TRPM3: variants seen among roughly 807,000 people sequenced by gnomAD.
The protein encoded by TRPM3 is transient receptor potential cation channel subfamily M member 3.
Under a neutral mutation model 181.2 loss-of-function variants are expected in TRPM3, and 77 were observed. The ratio of observed to expected loss-of-function variants is 0.42; its 90% CI spans 0.35 to 0.51. TRPM3 has a LOEUF of 0.51. Among genes scored for constraint, TRPM3 ranks in the 20% least tolerant of loss-of-function variants. The probability of loss-of-function intolerance (pLI) is 0.01; values close to 1 mark genes in which losing one functional copy is unlikely to be tolerated. For missense variants in TRPM3, 1,759 were observed against 2,196.7 expected (o/e 0.80, Z 3.98); for synonymous variants, 745 against 796.4 (o/e 0.94, Z 1.09).
intron 1 of TRPM3, among the ~76,000 whole-genome samples, chr9:71,210,197 C>T (rs186144316): frequency 1.6e-4 from 24 of 152,240 alleles, no homozygotes; most frequent in South Asian, 2.1e-4. Context: ...GTGAACTATA[C>T]ATGTGAGGGA....
At chr9:71,416,249 G>C (rs146607554) in intron 1 of TRPM3, among the ~76,000 whole-genome samples, 1 of 151,610 alleles carries the variant, frequency 6.6e-6, no homozygotes, top group Non-Finnish European at 1.5e-5. Flanking sequence ...TAATCAATAC[G>C]TTAGTATGTT....
intron 1 of TRPM3, among the ~76,000 whole-genome samples, chr9:71,266,828 T>C (rs2083425243): frequency 6.6e-6 from 1 of 152,178 alleles, no homozygotes; most frequent in Non-Finnish European, 1.5e-5. Context: ...TAAATTTCAC[T>C]ATTTTAGATA....
At chr9:71,206,166 G>A (rs558289182) in intron 1 of TRPM3, among the ~76,000 whole-genome samples, 208 of 152,240 alleles carry the variant, frequency 1.4e-3, no homozygotes, top group African/African-American at 4.6e-3. Flanking sequence ...TTGAGGAATA[G>A]CCACACTGTT....
Position 70,934,848 on chromosome 9 carries a change from C to T in TRPM3, c.178-70337G>A, listed in dbSNP as rs116951105. The stretch of plus-strand genomic sequence containing the variant: ...TCAGGACCTGTTATTTAATGAATTG[C>T]GCAATGGAATGACCTCCTCCCCCCA... On this transcript the variant is annotated intron_variant, in intron 1 of 25. Coordinates refer to ENST00000677713, the MANE Select transcript of TRPM3 (RefSeq NM_001366145.2). Among the ~76,000 whole-genome samples the T allele has an allele frequency of 4.9e-4, 75 of 151,894 alleles. No individual in the cohort carries two copies. In the East Asian group the frequency reaches 7.2e-3, roughly 15 times the overall value.
intron 8 of TRPM3, among the ~76,000 whole-genome samples, chr9:70,747,502 C>T (rs1278450340): frequency 2.0e-5 from 3 of 152,096 alleles, no homozygotes; most frequent in South Asian, 2.1e-4. Context: ...TTCTACTTTA[C>T]GTTCAAAAGA....
At chr9:71,138,924 G>T (rs932598077) in intron 1 of TRPM3, among the ~76,000 whole-genome samples, 1 of 152,018 alleles carries the variant, frequency 6.6e-6, no homozygotes, top group Admixed American at 6.6e-5. Context: ...CAGGGCCACT[G>T]ACTTTGCAAA....
chr9:71,323,519 T>C (rs1016087058), intron 1 of TRPM3, among the ~76,000 whole-genome samples: 1 of 152,102 alleles, frequency 6.6e-6, no homozygotes, highest in Non-Finnish European at 1.5e-5. Flanking sequence ...TGCTTTGTTG[T>C]CTGCAAGCTT....
At chr9:71,295,838 CAAAAAAAA>C (rs11383819) in intron 1 of TRPM3, among the ~76,000 whole-genome samples, 1 of 86,676 alleles carries the variant, frequency 1.2e-5, no homozygotes. Flanking sequence ...GATCCCGTCT[CAAAAAAAA>C]AAAAAAAAAA....
chr9:71,216,990 G>A lies in TRPM3; in HGVS notation c.183+229663C>T, dbSNP rs560190629. Reference sequence around the variant, plus strand: ...TTTTGAGACGGAGTCTCGCTCTGTCGCCCAGGCTGGAGTGCAGTGGCGCGA... The same window carrying A: ...TTTTGAGACGGAGTCTCGCTCTGTCACCCAGGCTGGAGTGCAGTGGCGCGA... On this transcript the variant is annotated intron_variant, in intron 1 of 24. Transcript: ENST00000357533. 7.8e-3 allele frequency among the ~76,000 whole-genome samples: 917 copies of A among 116,954 alleles called. 10 individuals are homozygous for A. The highest frequency in any genetic ancestry group is 0.03 in the African/African-American group (889 of 29,788). 76.7% of individuals were successfully genotyped at this position (116,954 alleles called of 152,430 possible).
At chr9:71,035,667 A>C (rs1274866197) in intron 1 of TRPM3, among the ~76,000 whole-genome samples, 2 of 152,234 alleles carry the variant, frequency 1.3e-5, no homozygotes, top group African/African-American at 4.8e-5. Flanking sequence ...CAGTGAGCCG[A>C]TATTGTGCCA....
At chr9:71,223,717 T>A (rs1420918482) in intron 1 of TRPM3, among the ~76,000 whole-genome samples, 1 of 152,094 alleles carries the variant, frequency 6.6e-6, no homozygotes, top group Non-Finnish European at 1.5e-5. Flanking sequence ...TTCACTACAA[T>A]CTGACTGAAG....
chr9:70,535,579 T>G lies in TRPM3; in HGVS notation c.*374A>C, dbSNP rs1393105090. 5.9e-6 allele frequency: 9 copies of G among 1,516,318 alleles called. No individual in the cohort carries two copies. The African/African-American group carries it at 1.2e-4, about 21-fold the overall frequency. The allele number at this position is 1,516,318 out of a possible 1,614,324, so 93.9% of individuals were successfully genotyped here. On this transcript the variant is annotated 3_prime_UTR_variant, in exon 26 of 26. Transcript: ENST00000677713. ...TAGCCCTGCATCCTACAACTCTTGA[T>G]AATGGTCAGAAATCAACAGATGCCT... is the stretch of plus-strand genomic sequence containing the variant.
At chr9:70,990,631 T>G (rs935199311) in intron 1 of TRPM3, among the ~76,000 whole-genome samples, 1 of 152,170 alleles carries the variant, frequency 6.6e-6, no homozygotes, top group African/African-American at 2.4e-5. Flanking sequence ...TTTATTATTA[T>G]TTGTTGTTTA....
chr9:71,098,223 T>C (rs969772650), intron 1 of TRPM3, among the ~76,000 whole-genome samples: 1 of 151,736 alleles, frequency 6.6e-6, no homozygotes, highest in Non-Finnish European at 1.5e-5. Context: ...AAAAAGAAAA[T>C]GAAAGCAACC....
At chr9:71,104,333 A>C (rs1005783056) in intron 1 of TRPM3, among the ~76,000 whole-genome samples, 7 of 151,858 alleles carry the variant, frequency 4.6e-5, no homozygotes, top group African/African-American at 1.7e-4. Context: ...TGTATAGCCT[A>C]CTTTAGACTG....
At chr9:71,232,481 A>G (rs1403114440) in intron 1 of TRPM3, among the ~76,000 whole-genome samples, 1 of 142,230 alleles carries the variant, frequency 7.0e-6, no homozygotes, top group Admixed American at 7.0e-5. Flanking sequence ...ATGGAAATTG[A>G]ATTCAGTGTC....
chr9:71,224,369 AAGTGACCACTGGATCGCAACAC>A (rs2080443716), intron 1 of TRPM3, among the ~76,000 whole-genome samples: 1 of 152,234 alleles, frequency 6.6e-6, no homozygotes, highest in Non-Finnish European at 1.5e-5. Flanking sequence ...GATATAGCTA[AAGTGACCACTGGATCGCAACAC>A]CCAAGTCTCT....
chr9:70,804,066 C>T (rs1056224640), intron 6 of TRPM3, among the ~76,000 whole-genome samples: 4 of 152,040 alleles, frequency 2.6e-5, no homozygotes, highest in African/African-American at 9.7e-5. Context: ...CATGGTGGCT[C>T]ATGCCTGTAA....
chr9:70,836,871 G>A (rs1000702735), intron 5 of TRPM3, among the ~76,000 whole-genome samples: 1 of 152,156 alleles, frequency 6.6e-6, no homozygotes, highest in African/African-American at 2.4e-5. Flanking sequence ...TCACTGGCCT[G>A]CCAGATATTT....
Sources: gnomAD v4.1 joint callset for allele counts (sites outside exome capture counted in the v4.1 genomes callset) on GRCh38, gnomAD v4.1.1 for gene constraint, MANE v1.5 for transcripts, NCBI Gene and HGNC (gene_info 2026-07-23, HGNC 2026-07-21) for gene names.